Variants in CTNNA3 observed in about 807,000 individuals in gnomAD.
CTNNA3 encodes the protein catenin alpha 3, also known as catenin alpha-3.
In CTNNA3, 76 loss-of-function variants were observed where a neutral mutation model predicts 95.7. The observed-to-expected ratio is 0.79, with a 90% confidence interval of 0.66 to 0.96. CTNNA3 has a LOEUF of 0.96. Ranked by LOEUF, CTNNA3 falls within the 40% of genes least tolerant of loss-of-function variation. The pLI is 0.00. For synonymous variants in CTNNA3, 431 were observed against 374.4 expected, an observed-to-expected ratio of 1.15 and a Z score of -1.74; for missense variants, 1,191 against 1,089.8, an observed-to-expected ratio of 1.09 and a Z score of -1.31.
At chr10:66,877,511 A>C (rs1324536878) in intron 7 of CTNNA3, among the ~76,000 whole-genome samples, 8 of 152,122 alleles carry the variant, frequency 5.3e-5, no homozygotes, top group Non-Finnish European at 1.0e-4. Context: ...ACTGTCACCT[A>C]TCAATGCTTG....
intron 13 of CTNNA3, among the ~76,000 whole-genome samples, chr10:66,239,550 G>C (rs554691489): frequency 1.3e-5 from 2 of 151,902 alleles, no homozygotes; most frequent in African/African-American, 4.8e-5. Flanking sequence ...AAAAACAAAA[G>C]CACTTTATCA....
intron 11 of CTNNA3, among the ~76,000 whole-genome samples, chr10:66,436,734 T>A (rs949396903): frequency 6.6e-6 from 1 of 152,078 alleles, no homozygotes; most frequent in Non-Finnish European, 1.5e-5. Flanking sequence ...GTCATCATGA[T>A]GCTAGCTGGT....
In CTNNA3 at chr10:66,896,067, A is replaced by T. The variant is rs545767668; in HGVS notation, c.1048-120543T>A. On this transcript the variant is annotated intron_variant, in intron 7 of 17. Coordinates refer to ENST00000433211, the MANE Select transcript of CTNNA3 (RefSeq NM_013266.4). The stretch of plus-strand genomic sequence containing the variant: ...AGCCGAGATTGCGCCATTGCACTCC[A>T]GCCTGGGCAACAAGAGTTAAACTTC... Among the ~76,000 whole-genome samples, 293 of 152,274 alleles carry T rather than the reference A, an allele frequency of 1.9e-3. 1 individual carries two copies. The highest frequency in any genetic ancestry group is 6.7e-3 in the African/African-American group (279 of 41,554).
chr10:66,214,678 A>C (rs2088397639), intron 13 of CTNNA3, among the ~76,000 whole-genome samples: 1 of 152,110 alleles, frequency 6.6e-6, no homozygotes, highest in African/African-American at 2.4e-5. Flanking sequence ...CTGAACACAA[A>C]ATGAGAAGAG....
chr10:67,579,011 ATATATATATATATATAT>A (rs1842272843), intron 3 of CTNNA3, among the ~76,000 whole-genome samples: 1 of 71,538 alleles, frequency 1.4e-5, no homozygotes, highest in African/African-American at 1.1e-4. Context: ...ATATATATAT[ATATATATATATATATAT>A]ATATACACAC....
chr10:66,456,782 T>G (rs2093497659), intron 11 of CTNNA3, among the ~76,000 whole-genome samples: 1 of 152,164 alleles, frequency 6.6e-6, no homozygotes, highest in Non-Finnish European at 1.5e-5. Context: ...AAATATGAAA[T>G]GAAAAGCCAT....
intron 10 of CTNNA3, among the ~76,000 whole-genome samples, chr10:66,533,118 T>G (rs1841528314): frequency 6.6e-6 from 1 of 152,142 alleles, no homozygotes; most frequent in African/African-American, 2.4e-5. Flanking sequence ...AGGATCAAAG[T>G]CAAAGTACTT....
intron 11 of CTNNA3, among the ~76,000 whole-genome samples, chr10:66,394,545 T>C (rs959952558): frequency 1.5e-4 from 15 of 100,690 alleles, no homozygotes; most frequent in African/African-American, 2.4e-4. Context: ...AACAAAGCAC[T>C]GGGTTAAAAA....
chr10:66,905,071 CGT>C (rs1298221271), intron 7 of CTNNA3, among the ~76,000 whole-genome samples: 5 of 152,118 alleles, frequency 3.3e-5, no homozygotes, highest in Non-Finnish European at 7.3e-5. Flanking sequence ...CACATGCACA[CGT>C]GTGTTTATTG....
At chr10:65,972,076 A>G (rs2078116058) in intron 16 of CTNNA3, among the ~76,000 whole-genome samples, 1 of 152,178 alleles carries the variant, frequency 6.6e-6, no homozygotes, top group Non-Finnish European at 1.5e-5. Context: ...TTATTTCAAC[A>G]GATGTGGGAA....
chr10:66,641,213 T>C (rs2076540136), intron 9 of CTNNA3, among the ~76,000 whole-genome samples: 3 of 152,192 alleles, frequency 2.0e-5, no homozygotes, highest in South Asian at 2.1e-4. Flanking sequence ...ATGCTTTTTA[T>C]GCCATATTAA....
chr10:67,430,765 T>C (rs1195750556), intron 5 of CTNNA3, among the ~76,000 whole-genome samples: 1 of 149,532 alleles, frequency 6.7e-6, no homozygotes, highest in Non-Finnish European at 1.5e-5. Context: ...TATATGCAAT[T>C]ATGGGCTGGA....
chr10:66,794,344 C>T (rs142260210), intron 7 of CTNNA3, among the ~76,000 whole-genome samples: 12 of 152,180 alleles, frequency 7.9e-5, no homozygotes, highest in African/African-American at 2.9e-4. Flanking sequence ...TGCAATAAAG[C>T]AAGTCACATG....
At chr10:67,524,550 A>G (rs183988672) in intron 4 of CTNNA3, among the ~76,000 whole-genome samples, 27 of 152,350 alleles carry the variant, frequency 1.8e-4, no homozygotes, top group Middle Eastern at 3.4e-3. Flanking sequence ...CGGACTTTGT[A>G]TAATATGGAG....
Position 67,539,590 on chromosome 10 carries a change from A to G in CTNNA3, c.372T>C (p.Ala124=), listed in dbSNP as rs1341638418. ...TCACCGCAGCCAGCAAGGCACGGGC[A>G]GCTTGAACCACAGCCTCCCTTTTTG... ...FLPKREAVVQ[A]ARALLAAVTR... The change falls in exon 4 of 18, where the codon GCT becomes GCC. Residue 124 remains alanine (A), a synonymous_variant. Transcript: ENST00000433211. 3 of 1,613,930 alleles carry G rather than the reference A, an allele frequency of 1.9e-6. No homozygotes were observed. Among genetic ancestry groups the G allele is most frequent in the Non-Finnish European group, 2.5e-6 (3 of 1,179,842 alleles).
intron 5 of CTNNA3, among the ~76,000 whole-genome samples, chr10:67,311,234 G>A (rs906774449): frequency 1.3e-5 from 2 of 152,188 alleles, no homozygotes; most frequent in Non-Finnish European, 2.9e-5. Context: ...ATTAATAATG[G>A]TATTTGAAGA....
At chr10:67,626,720 T>C (rs886387189) in intron 2 of CTNNA3, among the ~76,000 whole-genome samples, 1 of 152,174 alleles carries the variant, frequency 6.6e-6, no homozygotes, top group Non-Finnish European at 1.5e-5. Context: ...TGCATTAAAC[T>C]CCCTCATCTA....
intron 7 of CTNNA3, among the ~76,000 whole-genome samples, chr10:67,033,448 A>G (rs1853855350): frequency 6.6e-6 from 1 of 152,228 alleles, no homozygotes; most frequent in Non-Finnish European, 1.5e-5. Flanking sequence ...CTATGTATCA[A>G]TACTTGGTCA....
In CTNNA3 at chr10:67,709,076, T is replaced by G. The variant is rs1376616155; in HGVS notation, c.-2+54358A>C. Among the ~76,000 whole-genome samples, 4 of 152,130 alleles carry G rather than the reference T, an allele frequency of 2.6e-5. No homozygotes were observed. The South Asian group carries it at 8.3e-4, about 31-fold the overall frequency. On this transcript the variant is annotated intron_variant, in intron 1 of 17. Transcript: ENST00000684154. ...TGGAAAACAGTCACTCTTCCCCTTATGCACAGAATCACTATGAATGTGGCA... is the reference window on the plus strand; with the variant it reads ...TGGAAAACAGTCACTCTTCCCCTTAGGCACAGAATCACTATGAATGTGGCA...
Sources: allele counts gnomAD v4.1 joint callset (sites outside exome capture counted in the v4.1 genomes callset), GRCh38; gene constraint gnomAD v4.1.1; transcripts MANE v1.5; gene names NCBI Gene and HGNC (gene_info 2026-07-23, HGNC 2026-07-21).